The following BAHCC1 variants were observed in gnomAD, a reference collection of about 807,000 sequenced individuals.
BAHCC1 encodes BAH and coiled-coil domain-containing protein 1.
A neutral mutation model predicts 88.2 loss-of-function variants in BAHCC1; 43 were observed. That is an observed-to-expected ratio of 0.49 (90% confidence interval 0.38 to 0.63). BAHCC1 has a LOEUF of 0.63. BAHCC1 is among the 20% of genes least tolerant of loss of function. The pLI, the probability that BAHCC1 is intolerant of heterozygous loss-of-function variation, is 0.00. For synonymous variants in BAHCC1, 1,510 were observed against 745.5 expected (o/e 2.03, Z -16.71); for missense variants, 3,023 against 1,654.8 (o/e 1.83, Z -14.34).
Position 81,465,870 on chromosome 17 carries a change from T to C in BAHCC1, c.*2053T>C, listed in dbSNP as rs1883207158. 6.6e-6 allele frequency: 1 copy of C among 152,390 alleles called. No individual in the cohort carries two copies. The highest frequency in any genetic ancestry group is 6.5e-5 in the Admixed American group (1 of 15,276). 9.4% of individuals were successfully genotyped at this position (152,390 alleles called of 1,614,324 possible). On this transcript the variant is annotated 3_prime_UTR_variant, in exon 28 of 28. Coordinates refer to ENST00000675386, the MANE Select transcript of BAHCC1 (RefSeq NM_001377448.1). ...AGTGCAATATTTCATTCCCGGTGGT[T>C]GTCTGGGGAGGTGGTTGGACGAGGT...
In BAHCC1 at chr17:81,451,818, C is replaced by T. The variant is rs1555655841; in HGVS notation, c.4127C>T (p.Pro1376Leu). 1 of 757,744 alleles carries T rather than the reference C, an allele frequency of 1.3e-6. No individual in the cohort carries two copies. The highest frequency in any genetic ancestry group is 1.4e-5 in the South Asian group (1 of 72,692). The allele number at this position is 757,744 out of a possible 1,614,324, so 46.9% of individuals were successfully genotyped here. The change falls in exon 12 of 28, where the codon CCC becomes CTC. Residue 1376 changes from proline to leucine, a missense_variant. Transcript: ENST00000675386. ...CCCTGCAGCGGCCCCAGGCTCACCC[C>T]CCGCATGCAGATCCTGCAGCGCAAG... The part of the protein sequence containing the change: ...ANPCSGPRLT[P>L]RMQILQRKDT...
intron 2 of BAHCC1, chr17:81,406,959 T>TG: frequency 2.2e-6 from 1 of 456,288 alleles, no homozygotes; most frequent in Non-Finnish European, 4.4e-6. Flanking sequence ...CATTCTGACC[T>TG]GCTGTGGCGA....
rs782113673 is a variant in BAHCC1 at position 81,460,968 on chromosome 17, C to T, written c.6305C>T (p.Ala2102Val). 5 of 772,680 alleles carry T rather than the reference C, an allele frequency of 6.5e-6. No homozygotes were observed. Among genetic ancestry groups the T allele is most frequent in the East Asian group, 2.4e-5 (1 of 41,228 alleles). The allele number at this position is 772,680 out of a possible 1,614,324, so 47.9% of individuals were successfully genotyped here. A position where few individuals can be genotyped will look rare whatever the true frequency, so the allele number is the denominator to read the frequency against. Residue 2102 changes from alanine to valine, a missense_variant, in exon 26 of 28, where the codon GCG becomes GTG. By Grantham distance (64) the Ala-to-Val change is moderately conservative (BLOSUM62 0). Transcript: ENST00000675386. ...CCCTTGCTGAGCTGGTCCGCGGTGG[C>T]GCAGACCAAGCGGAAGGCGGTGGCA... Reference protein sequence around the residue: ...GSPLLSWSAVAQTKRKAVAAA... With the variant: ...GSPLLSWSAVVQTKRKAVAAA...
At chr17:81,425,972 GATA>G (rs1555650439) in intron 2 of BAHCC1, among the ~76,000 whole-genome samples, 1 of 148,656 alleles carries the variant, frequency 6.7e-6, no homozygotes, top group African/African-American at 2.5e-5. Flanking sequence ...GGTTGGTGGT[GATA>G]GTGGTGGGTG....
At position 81,455,324 on chromosome 17, in the gene BAHCC1, C is replaced by T. The variant is rs782336987; in HGVS notation, c.4503C>T (p.Gly1501=). The part of the protein sequence containing the change: ...LCAELRGGSG[G]EPAKKRSKLE... ...CGGAGCTGCGAGGAGGCAGTGGGGG[C>T]GAGCCTGCGAAGAAGCGAAGCAAGC... Residue 1501 remains glycine, a synonymous_variant, in exon 15 of 28, where the codon GGC becomes GGT. Transcript: ENST00000675386. 1.4e-5 allele frequency: 10 copies of T among 717,050 alleles called. No homozygotes were observed. Among genetic ancestry groups the T allele is most frequent in the Middle Eastern group, 2.3e-4 (1 of 4,392 alleles). The allele number at this position is 717,050 out of a possible 1,614,324, so 44.4% of individuals were successfully genotyped here. A position where few individuals can be genotyped will look rare whatever the true frequency, so the allele number is the denominator to read the frequency against.
chr17:81,445,581 C>T lies in BAHCC1; in HGVS notation c.3063C>T (p.Cys1021=). The T allele has an allele frequency of 2.8e-6, 2 of 725,102 alleles. No individual in the cohort carries two copies. The highest frequency in any genetic ancestry group is 2.0e-5 in the Admixed American group (1 of 51,188). The allele number at this position is 725,102 out of a possible 1,614,324, so 44.9% of individuals were successfully genotyped here. The change falls in exon 10 of 28, where the codon TGC becomes TGT. Residue 1021 remains cysteine, a synonymous_variant. Transcript: ENST00000675386. ...GCGCCCCGTGCACTTTAAATGTCTG[C>T]CCTGCCAGCAGCCCCGGGCCTGGCT... is the stretch of plus-strand genomic sequence containing the variant. The part of the protein sequence containing the change: ...RPSAPCTLNV[C]PASSPGPGSR...
intron 2 of BAHCC1, among the ~76,000 whole-genome samples, chr17:81,420,487 C>A (rs2064103441): frequency 6.6e-6 from 1 of 152,260 alleles, no homozygotes; most frequent in African/African-American, 2.4e-5. Flanking sequence ...TTGGCTGGAC[C>A]TTGGGCTCCG....
chr17:81,456,873 T>C (rs1555657439), intron 16 of BAHCC1, among the ~76,000 whole-genome samples: 1 of 151,938 alleles, frequency 6.6e-6, no homozygotes, highest in African/African-American at 2.4e-5. Context: ...AGGTTAAAAA[T>C]AGCCCTCTCA....
intron 1 of BAHCC1, among the ~76,000 whole-genome samples, chr17:81,398,600 G>T (rs2063769971): frequency 1.4e-5 from 1 of 70,450 alleles, no homozygotes; most frequent in Non-Finnish European, 3.1e-5. Context: ...TTCTGACTCT[G>T]AAAGCACCCC....
At position 81,415,636 on chromosome 17, in the gene BAHCC1, C is replaced by T. The variant is rs377694331; in HGVS notation, c.179-11164C>T. 133 of 488,436 alleles carry T rather than the reference C, an allele frequency of 2.7e-4. 1 individual carries two copies. The highest frequency in any genetic ancestry group is 2.6e-3 in the African/African-American group (129 of 50,504). 30.3% of individuals were successfully genotyped at this position (488,436 alleles called of 1,614,324 possible). On this transcript the variant is annotated intron_variant, in intron 2 of 27. Transcript: ENST00000675386. Reference sequence around the variant, plus strand: ...CGTTTTGGGAGTCGGGCTCTTGGCACCTGGTCCTTCTTAGCACCAGGGGCA... The same window carrying T: ...CGTTTTGGGAGTCGGGCTCTTGGCATCTGGTCCTTCTTAGCACCAGGGGCA...
At chr17:81,445,792 C>T (rs1331689151) in intron 10 of BAHCC1, 111 bp downstream of exon 10, 1 of 636,352 alleles carries the variant, frequency 1.6e-6, no homozygotes, top group African/African-American at 1.8e-5. Flanking sequence ...GCCACACCTG[C>T]CCAGACCCAG....
At chr17:81,403,130 T>A (rs1029769866) in intron 2 of BAHCC1, among the ~76,000 whole-genome samples, 3 of 152,196 alleles carry the variant, frequency 2.0e-5, no homozygotes, top group Non-Finnish European at 4.4e-5. Context: ...CTGGCGCCTC[T>A]GCTGGGAGTG....
At chr17:81,398,867 T>C (rs1163581526) in intron 1 of BAHCC1, among the ~76,000 whole-genome samples, 5 of 140,856 alleles carry the variant, frequency 3.5e-5, no homozygotes, top group Admixed American at 7.1e-5. Context: ...GGGACCACGG[T>C]GGATTCAGAA....
intron 2 of BAHCC1, 133 bp downstream of exon 2, chr17:81,400,050 C>T (rs1281654238): frequency 1.6e-5 from 13 of 818,530 alleles, no homozygotes; most frequent in Admixed American, 9.2e-5. Context: ...TGCCTGGGCG[C>T]TGAGCGGGGC....
Position 81,464,063 on chromosome 17 carries a change from G to T in BAHCC1, c.*246G>T. ...CGGGCTGTGGCCCTCATGGGTCCCC[G>T]GCCCGCCCCACCCACAGCGCCCTCC... On this transcript the variant is annotated 3_prime_UTR_variant, in exon 28 of 28. Coordinates refer to ENST00000675386, the MANE Select transcript of BAHCC1 (RefSeq NM_001377448.1). The T allele has an allele frequency of 1.8e-6, 1 of 563,530 alleles. No homozygotes were observed. The highest frequency in any genetic ancestry group is 3.2e-6 in the Non-Finnish European group (1 of 315,504). The allele number at this position is 563,530 out of a possible 1,614,324, so 34.9% of individuals were successfully genotyped here.
chr17:81,445,314 G>T, intron 9 of BAHCC1, 40 bp from the exon 10 acceptor site: 1 of 746,918 alleles, frequency 1.3e-6, no homozygotes, highest in Non-Finnish European at 2.5e-6. Context: ...TGGGGTCAGG[G>T]GATCCTGAGC....
At position 81,462,016 on chromosome 17, in the gene BAHCC1, G is replaced by T. The variant is rs2030342308; in HGVS notation, c.7353G>T (p.Gln2451His). 1.3e-6 allele frequency: 1 copy of T among 777,994 alleles called. No homozygotes were observed. The highest frequency in any genetic ancestry group is 1.7e-5 in the Admixed American group (1 of 58,874). The allele number at this position is 777,994 out of a possible 1,614,324, so 48.2% of individuals were successfully genotyped here. The change falls in exon 26 of 28, where the codon CAG becomes CAT. Residue 2451 changes from glutamine to histidine, a missense_variant. Coordinates refer to ENST00000675386, the MANE Select transcript of BAHCC1 (RefSeq NM_001377448.1). ...PKISAFLPAR[Q>H]LWKWSGNPTQ... Reference sequence around the variant, plus strand: ...TCTCAGCCTTCCTGCCCGCCCGGCAGCTCTGGAAGTGGTCGGGGAATCCCA... The same window carrying T: ...TCTCAGCCTTCCTGCCCGCCCGGCATCTCTGGAAGTGGTCGGGGAATCCCA...
rs1555658519 is a variant in BAHCC1 at position 81,459,457 on chromosome 17, G to A, written c.5797-39G>A. The A allele has an allele frequency of 3.9e-6, 3 of 776,970 alleles. No individual in the cohort carries two copies. In the South Asian group the frequency reaches 4.0e-5, roughly 10 times the overall value. 48.1% of individuals were successfully genotyped at this position (776,970 alleles called of 1,614,324 possible). ...AGACTCTCAGGCAGCCCTGGGCCAG[G>A]CCCCACCTGCTCATGGGTCGTCGCC... On this transcript the variant is annotated intron_variant, in intron 22 of 27. Transcript: ENST00000675386.
chr17:81,399,912 A>G lies in BAHCC1; in HGVS notation c.173A>G (p.His58Arg). Reference sequence around the variant, plus strand: ...CCGTCGCCGTTGCCCATGGCTTCGCACACAGGTCAGTGCTCGGCCGGGGCG... The same window carrying G: ...CCGTCGCCGTTGCCCATGGCTTCGCGCACAGGTCAGTGCTCGGCCGGGGCG... ...YFPSPLPMAS[H>R]TASSRLMGSS... is the part of the protein sequence containing the mutation. The change falls in exon 2 of 28, where the codon CAC (histidine) becomes CGC (arginine). Residue 58 changes from histidine (H) to arginine (R), a missense_variant. Transcript: ENST00000675386. The surrounding 1 kb of genome is among the most constrained non-coding windows in gnomAD (Gnocchi z 4.5). 2 of 1,441,790 alleles carry G rather than the reference A, an allele frequency of 1.4e-6. No homozygotes were observed. Among genetic ancestry groups the G allele is most frequent in the Non-Finnish European group, 9.1e-7 (1 of 1,094,110 alleles). The allele number at this position is 1,441,790 out of a possible 1,614,324, so 89.3% of individuals were successfully genotyped here.
Sources: allele counts gnomAD v4.1 joint callset (sites outside exome capture counted in the v4.1 genomes callset), GRCh38; gene constraint gnomAD v4.1.1; non-coding constraint Gnocchi (gnomAD v3.1); transcripts MANE v1.5; gene names NCBI Gene and HGNC (gene_info 2026-07-23, HGNC 2026-07-21).